Variants in CRIM1 observed in about 807,000 individuals in gnomAD.
CRIM1 encodes cysteine rich transmembrane BMP regulator 1.
A neutral mutation model predicts 116.4 loss-of-function variants in CRIM1; 32 were observed. That is an observed-to-expected ratio of 0.27 (90% CI 0.21 to 0.37). The LOEUF (loss-of-function observed/expected upper bound fraction) is 0.37, where lower values mean the gene tolerates loss of function less well. CRIM1 is among the 10% of genes least tolerant of loss of function. The pLI, the probability that CRIM1 is intolerant of heterozygous loss-of-function variation, is 1.00. For missense variants in CRIM1, 1,331 were observed against 1,354.8 expected, an observed-to-expected ratio of 0.98 and a Z score of 0.28; for synonymous variants, 590 against 509.2, an observed-to-expected ratio of 1.16 and a Z score of -2.13.
chr2:36,496,499 A>C (rs72866843), intron 7 of CRIM1, among the ~76,000 whole-genome samples: 201 of 152,306 alleles, frequency 1.3e-3, no homozygotes, highest in African/African-American at 4.6e-3. Flanking sequence ...CAGAGGCACA[A>C]AATGATTTTT....
chr2:36,535,342 G>A (rs1176542455), intron 13 of CRIM1, among the ~76,000 whole-genome samples: 1 of 152,212 alleles, frequency 6.6e-6, no homozygotes, highest in African/African-American at 2.4e-5. Flanking sequence ...GGATACCTTA[G>A]TGAAGTCGCC....
At chr2:36,516,780 G>C (rs768996933) in intron 11 of CRIM1, among the ~76,000 whole-genome samples, 3 of 152,144 alleles carry the variant, frequency 2.0e-5, no homozygotes, top group Non-Finnish European at 2.9e-5. Flanking sequence ...TCGATCATTT[G>C]GAAGTTTTAT....
chr2:36,480,001 A>G (rs1679286243), intron 7 of CRIM1, among the ~76,000 whole-genome samples: 1 of 152,238 alleles, frequency 6.6e-6, no homozygotes, highest in Non-Finnish European at 1.5e-5. Flanking sequence ...AGGTCAGCCT[A>G]ACAAAATGAA....
In CRIM1 at chr2:36,356,642, G is replaced by A; in HGVS notation, c.331+19G>A. On this transcript the variant is annotated intron_variant, in intron 1 of 16. Coordinates refer to ENST00000280527, the MANE Select transcript of CRIM1 (RefSeq NM_016441.3). The surrounding 1 kb of genome is among the most constrained non-coding windows in gnomAD (Gnocchi z 4.3). Reference sequence around the variant, plus strand: ...TGCGAAGGTACGGCCGCCCGCTGCGGGCCCCCTCCCACCTGGCCTGCGCCG... The same window carrying A: ...TGCGAAGGTACGGCCGCCCGCTGCGAGCCCCCTCCCACCTGGCCTGCGCCG... 1.3e-6 allele frequency: 2 copies of A among 1,596,418 alleles called. No individual in the cohort carries two copies. The highest frequency in any genetic ancestry group is 1.7e-6 in the Non-Finnish European group (2 of 1,173,392).
At chr2:36,526,207 A>C (rs1222286919) in intron 13 of CRIM1, among the ~76,000 whole-genome samples, 1 of 152,192 alleles carries the variant, frequency 6.6e-6, no homozygotes, top group African/African-American at 2.4e-5. Context: ...TGGTTTTCTA[A>C]GTAAATACAT....
chr2:36,488,264 A>G (rs1437574794), intron 7 of CRIM1, among the ~76,000 whole-genome samples: 1 of 152,244 alleles, frequency 6.6e-6, no homozygotes, highest in African/African-American at 2.4e-5. Flanking sequence ...AAATCGTAGG[A>G]CAGGTTCAAA....
At chr2:36,526,790 A>G (rs1441719208) in intron 13 of CRIM1, among the ~76,000 whole-genome samples, 1 of 152,014 alleles carries the variant, frequency 6.6e-6, no homozygotes. Context: ...AAAAAGTACT[A>G]CTTTGATCGT....
chr2:36,406,888 T>A (rs1461956459), intron 2 of CRIM1, among the ~76,000 whole-genome samples: 4 of 152,176 alleles, frequency 2.6e-5, no homozygotes, highest in Non-Finnish European at 4.4e-5. Context: ...TTTAAAAAGT[T>A]TATTTTAGAG....
rs1399665812 is a variant in CRIM1, at chr2:36,356,348, C to G, written c.56C>G (p.Ser19Trp). The stretch of plus-strand genomic sequence containing the variant: ...GCCGGCTGCGGGCACCTCCTGGTCT[C>G]GCTGCTGGGGCTGCTGCTGCTGCTG... ...GLAGCGHLLV[S>W]LLGLLLLLAR... is the part of the protein sequence containing the mutation. Residue 19 changes from serine to tryptophan, a missense_variant, in exon 1 of 17, where the codon TCG (serine) becomes TGG (tryptophan). Physicochemically the swap from Ser to Trp is radical, Grantham distance 177. Around this residue, in one of 3 missense-constraint regions of CRIM1, gnomAD observed 690 missense variants for 676.0 expected, o/e 1.02. Transcript: ENST00000280527. The surrounding 1 kb of genome is among the most constrained non-coding windows in gnomAD (Gnocchi z 4.3). 9 of 1,590,248 alleles carry G rather than the reference C, an allele frequency of 5.7e-6. No homozygotes were observed. Among genetic ancestry groups the G allele is most frequent in the East Asian group, 2.3e-5 (1 of 43,740 alleles).
intron 11 of CRIM1, among the ~76,000 whole-genome samples, chr2:36,516,451 C>CA (rs1315995027): frequency 6.6e-6 from 1 of 152,184 alleles, no homozygotes; most frequent in Non-Finnish European, 1.5e-5. Context: ...GGGCAACTCC[C>CA]AGCCCCTCTT....
At chr2:36,465,654 GA>G (rs1438222108) in intron 5 of CRIM1, among the ~76,000 whole-genome samples, 1 of 152,106 alleles carries the variant, frequency 6.6e-6, no homozygotes. Context: ...TTGCTTTGAA[GA>G]AACACTTGCA....
chr2:36,534,122 AAGG>A (rs1160005992), intron 13 of CRIM1, among the ~76,000 whole-genome samples: 1 of 124,666 alleles, frequency 8.0e-6, no homozygotes, highest in Non-Finnish European at 1.7e-5. Context: ...AAGGAGGGGA[AAGG>A]AGGGAAGAAT....
intron 5 of CRIM1, among the ~76,000 whole-genome samples, chr2:36,471,234 T>A (rs891247219): frequency 6.6e-6 from 1 of 152,214 alleles, no homozygotes; most frequent in African/African-American, 2.4e-5. Flanking sequence ...GGATTTAGAC[T>A]ATTACATAAA....
chr2:36,383,502 A>G (rs1199424523), intron 1 of CRIM1, among the ~76,000 whole-genome samples: 3 of 152,214 alleles, frequency 2.0e-5, no homozygotes, highest in African/African-American at 4.8e-5. Context: ...TCCATGCAGT[A>G]TTGTTAGTAG....
intron 13 of CRIM1, among the ~76,000 whole-genome samples, chr2:36,524,680 A>G (rs1665635533): frequency 2.0e-5 from 3 of 152,206 alleles, no homozygotes; most frequent in Admixed American, 2.0e-4. Context: ...TAAATTTGTA[A>G]TTAGTAAATT....
chr2:36,466,147 A>T (rs1189239198), intron 5 of CRIM1, among the ~76,000 whole-genome samples: 1 of 152,084 alleles, frequency 6.6e-6, no homozygotes, highest in Admixed American at 6.5e-5. Flanking sequence ...CGGCCTCCCA[A>T]GGTACTGGGA....
intron 2 of CRIM1, among the ~76,000 whole-genome samples, chr2:36,436,217 A>G (rs1361890869): frequency 6.6e-6 from 1 of 152,186 alleles, no homozygotes; most frequent in Non-Finnish European, 1.5e-5. Flanking sequence ...GGTTTCAGAA[A>G]AACAATTCCT....
rs58185473 is a variant in CRIM1 at position 36,432,092 on chromosome 2, G to C, written c.506-9166G>C. ...GTCTTCTTAAAATGTTGCTGAGCTG[G>C]CTATACAAATTTAGTTCATTTAATT... On this transcript the variant is annotated intron_variant, in intron 2 of 16. Coordinates refer to ENST00000280527, the MANE Select transcript of CRIM1 (RefSeq NM_016441.3). Among the ~76,000 whole-genome samples, 93 of 152,132 alleles carry C rather than the reference G, an allele frequency of 6.1e-4. 2 individuals carry two copies. Among genetic ancestry groups the C allele is most frequent in the South Asian group, 3.7e-3 (18 of 4,820 alleles).
At chr2:36,459,004 A>G (rs2124992678) in intron 4 of CRIM1, among the ~76,000 whole-genome samples, 1 of 152,288 alleles carries the variant, frequency 6.6e-6, no homozygotes, top group Non-Finnish European at 1.5e-5. Context: ...GGCAGGAAGG[A>G]GTCTTTGTAA....
Sources: allele counts gnomAD v4.1 joint callset (sites outside exome capture counted in the v4.1 genomes callset), GRCh38; gene constraint gnomAD v4.1.1; regional missense constraint gnomAD v4.1.1; non-coding constraint Gnocchi (gnomAD v3.1); transcripts MANE v1.5; gene names NCBI Gene and HGNC (gene_info 2026-07-23, HGNC 2026-07-21).